CNTNAP2: variants seen among roughly 807,000 people sequenced by gnomAD.
CNTNAP2 encodes contactin-associated protein-like 2.
A neutral mutation model predicts 155.2 loss-of-function variants in CNTNAP2; 98 were observed. The ratio of observed to expected loss-of-function variants is 0.63; its 90% CI spans 0.54 to 0.75. The LOEUF is 0.75. Ranked by LOEUF, CNTNAP2 falls within the 30% of genes least tolerant of loss-of-function variation. The pLI, the probability that CNTNAP2 is intolerant of heterozygous loss-of-function variation, is 0.00. For missense variants in CNTNAP2, 1,727 were observed against 1,688.1 expected, an observed-to-expected ratio of 1.02 and a Z score of -0.40; for synonymous variants, 651 against 631.2, an observed-to-expected ratio of 1.03 and a Z score of -0.47.
chr7:146,271,765 C>T (rs1800086111), intron 1 of CNTNAP2, among the ~76,000 whole-genome samples: 1 of 151,862 alleles, frequency 6.6e-6, no homozygotes, highest in Non-Finnish European at 1.5e-5. Flanking sequence ...TAAGTTGTTT[C>T]TTGATATTTT....
At chr7:147,326,868 A>G (rs950751936) in intron 9 of CNTNAP2, among the ~76,000 whole-genome samples, 11 of 152,204 alleles carry the variant, frequency 7.2e-5, no homozygotes, top group Non-Finnish European at 1.3e-4. Flanking sequence ...CCACTAGACT[A>G]TAAGTTCTTT....
intron 13 of CNTNAP2, among the ~76,000 whole-genome samples, chr7:147,690,573 ATAATTAATCT>A (rs200534603): frequency 0.016 from 2,499 of 152,244 alleles, 222 homozygotes; most frequent in Admixed American, 0.15. Context: ...AATTACACAA[ATAATTAATCT>A]TAATATATCA....
intron 21 of CNTNAP2, among the ~76,000 whole-genome samples, chr7:148,379,950 C>T (rs904965126): frequency 3.9e-5 from 6 of 152,194 alleles, no homozygotes; most frequent in African/African-American, 1.4e-4. Flanking sequence ...TAATGCATCG[C>T]AAATGGAGTT....
intron 10 of CNTNAP2, among the ~76,000 whole-genome samples, chr7:147,476,678 G>C (rs1798325813): frequency 1.3e-5 from 2 of 151,948 alleles, no homozygotes; most frequent in Non-Finnish European, 2.9e-5. Flanking sequence ...TGTAATCCCA[G>C]CACTTTGGGA....
intron 13 of CNTNAP2, among the ~76,000 whole-genome samples, chr7:147,803,781 G>T (rs1798044948): frequency 6.6e-6 from 1 of 152,146 alleles, no homozygotes; most frequent in Admixed American, 6.5e-5. Context: ...ATACTTGTCT[G>T]CAGGAACCAC....
chr7:146,687,514 C>T (rs779287231), intron 1 of CNTNAP2, among the ~76,000 whole-genome samples: 15 of 152,150 alleles, frequency 9.9e-5, no homozygotes, highest in Non-Finnish European at 1.9e-4. Context: ...GGGAACGACT[C>T]GACTTAAAAG....
At chr7:146,398,331 C>G (rs557268851) in intron 1 of CNTNAP2, among the ~76,000 whole-genome samples, 1 of 151,620 alleles carries the variant, frequency 6.6e-6, no homozygotes, top group Non-Finnish European at 1.5e-5. Flanking sequence ...GAAAGGGAAA[C>G]AAGCATGTCC....
At chr7:148,326,864 C>CAAA (rs200129283) in intron 21 of CNTNAP2, among the ~76,000 whole-genome samples, 1 of 129,076 alleles carries the variant, frequency 7.7e-6, no homozygotes, top group Admixed American at 7.6e-5. Flanking sequence ...GACCCCGTCT[C>CAAA]AAAAAAAAAA....
intron 21 of CNTNAP2, among the ~76,000 whole-genome samples, chr7:148,307,622 A>G (rs1162913289): frequency 6.6e-6 from 1 of 152,118 alleles, no homozygotes; most frequent in East Asian, 1.9e-4. Context: ...TGCTCAATCC[A>G]CCATCTTTAA....
intron 13 of CNTNAP2, among the ~76,000 whole-genome samples, chr7:147,657,050 T>C (rs1255053920): frequency 6.6e-6 from 1 of 152,236 alleles, no homozygotes; most frequent in African/African-American, 2.4e-5. Context: ...ACAATTCTTC[T>C]ACTCAAAATG....
In CNTNAP2 at chr7:146,641,994, A is replaced by G. The variant is rs187517302; in HGVS notation, c.98-132277A>G. On this transcript the variant is annotated intron_variant, in intron 1 of 23. Coordinates refer to ENST00000361727, the MANE Select transcript of CNTNAP2 (RefSeq NM_014141.6). ...AGAACATTCAAGAAAAGAACATGAA[A>G]CAAAATATATGACCTTAAATTATGT... Among the ~76,000 whole-genome samples, 270 of 152,304 alleles carry G rather than the reference A, an allele frequency of 1.8e-3. 7 individuals are homozygous for G. Among genetic ancestry groups the G allele is most frequent in the Non-Finnish European group, 1.7e-3 (118 of 68,034 alleles).
At chr7:146,383,414 T>TG (rs1001767908) in intron 1 of CNTNAP2, among the ~76,000 whole-genome samples, 2 of 152,158 alleles carry the variant, frequency 1.3e-5, no homozygotes, top group African/African-American at 4.8e-5. Context: ...GTCAGGTAGC[T>TG]GGTTTTTAAC....
At chr7:146,989,802 AC>A (rs1399036555) in intron 3 of CNTNAP2, among the ~76,000 whole-genome samples, 2 of 152,110 alleles carry the variant, frequency 1.3e-5, no homozygotes, top group African/African-American at 2.4e-5. Context: ...TCCATTGGCA[AC>A]AGAATAAAAT....
intron 1 of CNTNAP2, among the ~76,000 whole-genome samples, chr7:146,367,367 A>C (rs1001916967): frequency 1.2e-4 from 19 of 152,194 alleles, no homozygotes; most frequent in African/African-American, 4.6e-4. Context: ...CATGATTCAG[A>C]AAAATAAAAC....
chr7:148,249,986 C>T lies in CNTNAP2; in HGVS notation c.3382-17047C>T, dbSNP rs1796336952. ...AAGTACGAGTTCTCTGCTCAACACC[C>T]ACTGACAGTCCTCGTTTCTCTGAGG... On this transcript the variant is annotated intron_variant, in intron 20 of 23. Transcript: ENST00000361727. Among the ~76,000 whole-genome samples, 3 of 152,350 alleles carry T rather than the reference C, an allele frequency of 2.0e-5. 1 individual carries two copies. Among genetic ancestry groups the T allele is most frequent in the South Asian group, 2.1e-4 (1 of 4,830 alleles).
intron 15 of CNTNAP2, among the ~76,000 whole-genome samples, chr7:148,022,277 G>A (rs1411952608): frequency 2.0e-5 from 3 of 152,108 alleles, no homozygotes; most frequent in East Asian, 3.9e-4. Context: ...AGACCAGCCC[G>A]GGAAACGCGG....
chr7:147,399,707 T>C (rs560816091), intron 10 of CNTNAP2, among the ~76,000 whole-genome samples: 1 of 152,314 alleles, frequency 6.6e-6, no homozygotes, highest in Non-Finnish European at 1.5e-5. Flanking sequence ...GATATATGTA[T>C]GTAACAAGCC....
At chr7:146,754,780 A>G (rs1801966019) in intron 1 of CNTNAP2, among the ~76,000 whole-genome samples, 1 of 151,294 alleles carries the variant, frequency 6.6e-6, no homozygotes, top group Non-Finnish European at 1.5e-5. Context: ...ATGGAAATAA[A>G]TACTTTTTAG....
intron 1 of CNTNAP2, among the ~76,000 whole-genome samples, chr7:146,295,127 G>A (rs1205869421): frequency 6.6e-6 from 1 of 152,164 alleles, no homozygotes; most frequent in African/African-American, 2.4e-5. Flanking sequence ...GAGGTAGTCA[G>A]TCATAGTCAC....
Sources: gnomAD v4.1 joint callset for allele counts (sites outside exome capture counted in the v4.1 genomes callset) on GRCh38, gnomAD v4.1.1 for gene constraint, MANE v1.5 for transcripts, NCBI Gene and HGNC (gene_info 2026-07-23, HGNC 2026-07-21) for gene names.